The following RETREG1 variants were observed in gnomAD, a reference collection of about 807,000 sequenced individuals.
RETREG1 encodes reticulophagy regulator 1.
A neutral mutation model predicts 54.8 loss-of-function variants in RETREG1; 44 were observed. That is an observed-to-expected ratio of 0.80 (90% CI 0.63 to 1.03). The LOEUF (loss-of-function observed/expected upper bound fraction) is 1.03. Among genes scored for constraint, RETREG1 ranks in the 50% least tolerant of loss-of-function variants. RETREG1 has a pLI of 0.00. For synonymous variants in RETREG1, 217 were observed against 238.5 expected (o/e 0.91, Z 0.83); for missense variants, 554 against 605.1 (o/e 0.92, Z 0.89).
intron 3 of RETREG1, among the ~76,000 whole-genome samples, chr5:16,560,461 A>T (rs1474062979): frequency 6.6e-6 from 1 of 152,188 alleles, no homozygotes; most frequent in Non-Finnish European, 1.5e-5. Context: ...AATGCTAGGA[A>T]TGCTTCTTAA....
chr5:16,587,268 C>A (rs1181051202), intron 1 of RETREG1, among the ~76,000 whole-genome samples: 1 of 152,164 alleles, frequency 6.6e-6, no homozygotes, highest in Non-Finnish European at 1.5e-5. Flanking sequence ...CAAAGCCCAC[C>A]TTAGCTGGGT....
chr5:16,522,272 C>T (rs558329939), intron 3 of RETREG1, among the ~76,000 whole-genome samples: 7 of 151,786 alleles, frequency 4.6e-5, no homozygotes, highest in African/African-American at 9.7e-5. Flanking sequence ...TTAGGAAGGG[C>T]GGATTCCTCC....
intron 3 of RETREG1, among the ~76,000 whole-genome samples, chr5:16,492,199 C>CATCT (rs1739272637): frequency 7.4e-6 from 1 of 136,006 alleles, no homozygotes; most frequent in Non-Finnish European, 1.6e-5. Flanking sequence ...ACAGTGTTGT[C>CATCT]CTCTCTCTCT....
chr5:16,511,430 G>C (rs1347373815), intron 3 of RETREG1, among the ~76,000 whole-genome samples: 1 of 152,158 alleles, frequency 6.6e-6, no homozygotes, highest in Non-Finnish European at 1.5e-5. Flanking sequence ...TGTTCAGTAG[G>C]CTAGATGGAT....
chr5:16,609,762 C>G (rs1035869), intron 1 of RETREG1, among the ~76,000 whole-genome samples: 69,632 of 151,968 alleles, frequency 0.46, 16,635 homozygotes, highest in Non-Finnish European at 0.54. Flanking sequence ...AAGGGCGATC[C>G]TGGGGAGGGG....
At chr5:16,528,534 A>T (rs1277568984) in intron 3 of RETREG1, among the ~76,000 whole-genome samples, 1 of 152,154 alleles carries the variant, frequency 6.6e-6, no homozygotes. Flanking sequence ...AGCAAAAGAA[A>T]GATTAGGGGG....
chr5:16,583,567 A>G (rs1210770864), intron 1 of RETREG1, among the ~76,000 whole-genome samples: 1 of 152,118 alleles, frequency 6.6e-6, no homozygotes, highest in Non-Finnish European at 1.5e-5. Context: ...TTTGACAAGG[A>G]AAATTTTCCA....
chr5:16,555,245 A>C (rs1280966677), intron 3 of RETREG1, among the ~76,000 whole-genome samples: 2 of 152,164 alleles, frequency 1.3e-5, no homozygotes, highest in Non-Finnish European at 2.9e-5. Flanking sequence ...TCCATCTCCC[A>C]GGCTCAAGCA....
Position 16,474,807 on chromosome 5 carries a change from C to G in RETREG1, c.1428G>C (p.Gln476His). 1 of 1,613,784 alleles carries G rather than the reference C, an allele frequency of 6.2e-7. No homozygotes were observed. The highest frequency in any genetic ancestry group is 1.3e-5 in the African/African-American group (1 of 74,926). Residue 476 changes from glutamine to histidine, a missense_variant, in exon 9 of 9, where the codon CAG becomes CAC. Around this residue, in one of 4 missense-constraint regions of RETREG1, gnomAD observed 30 missense variants for 32.4 expected, o/e 0.93. Transcript: ENST00000306320. The stretch of plus-strand genomic sequence containing the variant: ...TCTTATTTTGCTGTGCTTCTGCTTC[C>G]TGGTCTTGTGTAAGTCCCAATTCAC... The part of the protein sequence containing the change: ...IESELGLTQD[Q>H]EAEAQQNKKS...
chr5:16,603,822 A>G (rs1055351109), intron 1 of RETREG1, among the ~76,000 whole-genome samples: 2 of 152,000 alleles, frequency 1.3e-5, no homozygotes, highest in Non-Finnish European at 1.5e-5. Context: ...CAGAGCCCAC[A>G]TGACATCTTA....
chr5:16,530,582 A>G (rs1740881929), intron 3 of RETREG1, among the ~76,000 whole-genome samples: 1 of 152,144 alleles, frequency 6.6e-6, no homozygotes, highest in Non-Finnish European at 1.5e-5. Context: ...CTTTTTAAAA[A>G]CACCTGAGGG....
chr5:16,504,590 G>A (rs932388871), intron 3 of RETREG1, among the ~76,000 whole-genome samples: 5 of 151,972 alleles, frequency 3.3e-5, no homozygotes, highest in Admixed American at 2.0e-4. Flanking sequence ...ACCTTTCTGC[G>A]CCCACACTGC....
At chr5:16,491,543 C>T (rs1739246763) in intron 3 of RETREG1, among the ~76,000 whole-genome samples, 1 of 152,022 alleles carries the variant, frequency 6.6e-6, no homozygotes, top group African/African-American at 2.4e-5. Flanking sequence ...TTCACTTATC[C>T]GAATGTTTCT....
intron 3 of RETREG1, chr5:16,508,826 A>C: frequency 7.0e-7 from 1 of 1,435,474 alleles, no homozygotes; most frequent in Non-Finnish European, 9.1e-7. Flanking sequence ...GCCTCCCTTG[A>C]ATGAAGCTAG....
intron 3 of RETREG1, among the ~76,000 whole-genome samples, chr5:16,515,257 C>A (rs1740311858): frequency 6.6e-6 from 1 of 152,118 alleles, no homozygotes; most frequent in Non-Finnish European, 1.5e-5. Context: ...GGAAGCCCCA[C>A]AAGTATCTCC....
intron 2 of RETREG1, among the ~76,000 whole-genome samples, chr5:16,569,344 C>G (rs1362728448): frequency 1.3e-5 from 2 of 149,204 alleles, no homozygotes; most frequent in East Asian, 3.9e-4. Context: ...ACTCAGAGCA[C>G]TGTCATCCGG....
chr5:16,605,091 T>C (rs80223293), intron 1 of RETREG1, among the ~76,000 whole-genome samples: 2 of 152,248 alleles, frequency 1.3e-5, no homozygotes, highest in Non-Finnish European at 2.9e-5. Context: ...ACTGAAGAAA[T>C]GGCCAAACAT....
intron 1 of RETREG1, among the ~76,000 whole-genome samples, chr5:16,573,906 A>G (rs1416865184): frequency 6.6e-6 from 1 of 151,710 alleles, no homozygotes; most frequent in Non-Finnish European, 1.5e-5. Flanking sequence ...CACCACGCCC[A>G]GCTAATTTAT....
At chr5:16,546,280 AC>A (rs1191635895) in intron 3 of RETREG1, among the ~76,000 whole-genome samples, 4 of 151,678 alleles carry the variant, frequency 2.6e-5, no homozygotes, top group African/African-American at 7.3e-5. Context: ...TGATCCTCCC[AC>A]CCCAGCCTCC....
Sources: gnomAD v4.1 joint callset for allele counts (sites outside exome capture counted in the v4.1 genomes callset) on GRCh38, gnomAD v4.1.1 for gene constraint, gnomAD v4.1.1 regional missense constraint, MANE v1.5 for transcripts, NCBI Gene and HGNC (gene_info 2026-07-23, HGNC 2026-07-21) for gene names.